The following SHPRH variants were observed in gnomAD, a reference collection of about 807,000 sequenced individuals.
SHPRH encodes E3 ubiquitin-protein ligase SHPRH.
A neutral mutation model predicts 202.5 loss-of-function variants in SHPRH; 106 were observed. That is an observed-to-expected ratio of 0.52 (90% CI 0.45 to 0.62). SHPRH has a LOEUF of 0.62. Ranked by LOEUF, SHPRH falls within the 20% of genes least tolerant of loss-of-function variation. The pLI, the probability that SHPRH is intolerant of heterozygous loss-of-function variation, is 0.00. For missense variants in SHPRH, 1,710 were observed against 2,020.0 expected (o/e 0.85, Z 2.94); for synonymous variants, 729 against 686.0 (o/e 1.06, Z -0.98).
In SHPRH at chr6:145,941,092, G is replaced by T. The variant is rs373858458; in HGVS notation, c.2491-291C>A. On this transcript the variant is annotated intron_variant, in intron 10 of 29. Coordinates refer to ENST00000275233, the MANE Select transcript of SHPRH (RefSeq NM_001042683.3). ...CCCCTGAATAACTGATCCATGCCCTGCATCACTCTATCCTCCAGATATACT... is the reference window on the plus strand; with the variant it reads ...CCCCTGAATAACTGATCCATGCCCTTCATCACTCTATCCTCCAGATATACT... Among the ~76,000 whole-genome samples the T allele has an allele frequency of 2.6e-5, 4 of 152,278 alleles. No individual in the cohort carries two copies. The East Asian group carries it at 7.7e-4, about 29-fold the overall frequency.
chr6:145,937,899 T>C (rs1170030726), intron 11 of SHPRH, among the ~76,000 whole-genome samples: 2 of 152,204 alleles, frequency 1.3e-5, no homozygotes, highest in Non-Finnish European at 2.9e-5. Context: ...AACTATTTTT[T>C]TAATGAAACC....
chr6:145,887,998 C>T (rs371925137), intron 29 of SHPRH, 22 bp downstream of exon 29: 24 of 1,572,822 alleles, frequency 1.5e-5, no homozygotes, highest in East Asian at 2.2e-5. Flanking sequence ...CCCCCTTCTA[C>T]TTGTGGTAAA....
At chr6:145,867,495 A>C (rs1181126447) in intron 2 of SHPRH, among the ~76,000 whole-genome samples, 1 of 150,978 alleles carries the variant, frequency 6.6e-6, no homozygotes, top group African/African-American at 2.4e-5. Flanking sequence ...GCAAAATGAA[A>C]CAGGAGGATC....
Position 145,945,544 on chromosome 6 carries a change from T to C in SHPRH, c.1415A>G (p.Tyr472Cys). 6.2e-7 allele frequency: 1 copy of C among 1,613,224 alleles called. No homozygotes were observed. The highest frequency in any genetic ancestry group is 8.5e-7 in the Non-Finnish European group (1 of 1,179,556). The change falls in exon 8 of 30, where the codon TAT becomes TGT. Residue 472 changes from tyrosine to cysteine, a missense_variant. Transcript: ENST00000275233. ...LSIYKYVSSI[Y>C]RYDVQRNRSL... The stretch of plus-strand genomic sequence containing the variant: ...CCTGTTCCGTTGAACATCGTATCTA[T>C]ATATAGAACTGACATACTTATAGAT...
At chr6:145,870,059 T>G (rs188642099) in intron 2 of SHPRH, among the ~76,000 whole-genome samples, 2 of 152,028 alleles carry the variant, frequency 1.3e-5, no homozygotes, top group Admixed American at 1.3e-4. Flanking sequence ...AGATATTGTA[T>G]GTATTTTGCT....
intron 28 of SHPRH, among the ~76,000 whole-genome samples, chr6:145,891,162 C>T (rs1781536437): frequency 6.6e-6 from 1 of 152,138 alleles, no homozygotes; most frequent in Non-Finnish European, 1.5e-5. Context: ...CTCACAGTGG[C>T]TTCCTGGGCC....
chr6:145,941,991 T>C lies in SHPRH; in HGVS notation c.2239-117A>G, dbSNP rs1457518457. ...TATTTTCTTAGGAGCATTCATGCTA[T>C]GAGACAGATCCCATACCTGTTTGGA... On this transcript the variant is annotated intron_variant, in intron 9 of 29. Transcript: ENST00000275233. The C allele has an allele frequency of 3.1e-5, 38 of 1,238,358 alleles. No homozygotes were observed. In the South Asian group the frequency reaches 4.7e-4, roughly 15 times the overall value. The allele number at this position is 1,238,358 out of a possible 1,614,324, so 76.7% of individuals were successfully genotyped here.
chr6:145,859,178 C>A, the SHPRH span, among the ~76,000 whole-genome samples: 2 of 151,954 alleles, frequency 1.3e-5, no homozygotes, highest in Non-Finnish European at 1.5e-5. Context: ...TATGTCTAAC[C>A]AATTTTGAAG....
chr6:145,887,340 G>T (rs941865978), intron 29 of SHPRH, among the ~76,000 whole-genome samples: 5 of 151,696 alleles, frequency 3.3e-5, no homozygotes, highest in Non-Finnish European at 7.4e-5. Context: ...CTCTTCCTTG[G>T]GTACCATCCA....
chr6:145,921,674 G>A (rs1482250810), intron 20 of SHPRH, among the ~76,000 whole-genome samples: 1 of 151,548 alleles, frequency 6.6e-6, no homozygotes, highest in Non-Finnish European at 1.5e-5. Flanking sequence ...AAATATGTGA[G>A]GAAAATTTCT....
chr6:145,962,305 T>C (rs1789169333), intron 1 of SHPRH, among the ~76,000 whole-genome samples: 1 of 152,194 alleles, frequency 6.6e-6, no homozygotes, highest in South Asian at 2.1e-4. Flanking sequence ...GCCAGGTCAG[T>C]GCTAGGAAGT....
chr6:145,891,649 T>G (rs1781574457), intron 28 of SHPRH, among the ~76,000 whole-genome samples: 1 of 152,146 alleles, frequency 6.6e-6, no homozygotes, highest in African/African-American at 2.4e-5. Flanking sequence ...ACTGTTCAAG[T>G]TGATGATGGA....
chr6:145,899,324 G>T (rs140787778), intron 25 of SHPRH, among the ~76,000 whole-genome samples: 1 of 151,972 alleles, frequency 6.6e-6, no homozygotes, highest in Non-Finnish European at 1.5e-5. Flanking sequence ...AAAATAGTAC[G>T]CTACTGAAAT....
chr6:145,861,963 A>G (rs767757407), downstream of SHPRH, among the ~76,000 whole-genome samples: 1 of 152,198 alleles, frequency 6.6e-6, no homozygotes, highest in Non-Finnish European at 1.5e-5. Flanking sequence ...ATAGTCATAC[A>G]AATAGCAGCA....
Position 145,948,368 on chromosome 6 carries a change from CATA to C in SHPRH, c.983-21_983-19del. 2 of 1,578,324 alleles carry C rather than the reference CATA, an allele frequency of 1.3e-6. No individual in the cohort carries two copies. The highest frequency in any genetic ancestry group is 1.7e-6 in the Non-Finnish European group (2 of 1,162,218). ...GGCACTTTCTAAAGAAAAATATAAT[CATA>C]ATAACAAATTTTTGTTTTCCCTTCA... is the stretch of plus-strand genomic sequence containing the variant. On this transcript the variant is annotated intron_variant, in intron 4 of 29. Transcript: ENST00000275233.
chr6:145,908,385 T>G (rs1783165968), intron 25 of SHPRH: 1 of 152,186 alleles, frequency 6.6e-6, no homozygotes, highest in Non-Finnish European at 1.5e-5. Context: ...CTACCAACAG[T>G]GTAAAAACGT....
intron 2 of SHPRH, among the ~76,000 whole-genome samples, chr6:145,867,308 T>C (rs1198171390): frequency 6.6e-6 from 1 of 151,990 alleles, no homozygotes; most frequent in Non-Finnish European, 1.5e-5. Flanking sequence ...CACACTGTAG[T>C]AGACTGATTA....
downstream of SHPRH, among the ~76,000 whole-genome samples, chr6:145,861,858 A>C (rs1462517639): frequency 6.6e-6 from 1 of 152,230 alleles, no homozygotes; most frequent in African/African-American, 2.4e-5. Flanking sequence ...TATCTGTGAT[A>C]ATATGGATGA....
chr6:145,860,209 A>G (rs562512825), downstream of SHPRH, among the ~76,000 whole-genome samples: 82 of 152,110 alleles, frequency 5.4e-4, 2 homozygotes, highest in South Asian at 0.014. Flanking sequence ...AAGTAAAACT[A>G]TCTTATATCA....
Sources: allele counts gnomAD v4.1 joint callset (sites outside exome capture counted in the v4.1 genomes callset), GRCh38; gene constraint gnomAD v4.1.1; transcripts MANE v1.5; gene names NCBI Gene and HGNC (gene_info 2026-07-23, HGNC 2026-07-21).